ARB2A: variants seen among roughly 807,000 people sequenced by gnomAD.
ARB2A encodes the protein ARB2 cotranscriptional regulator A.
the ARB2A span, among the ~76,000 whole-genome samples, chr5:93,765,770 C>T: frequency 6.6e-6 from 1 of 152,178 alleles, no homozygotes; most frequent in Non-Finnish European, 1.5e-5. Flanking sequence ...AGACATCACA[C>T]TACCTGACTT....
chr5:93,711,827 T>A, the ARB2A span, among the ~76,000 whole-genome samples: 3 of 152,348 alleles, frequency 2.0e-5, no homozygotes, highest in Non-Finnish European at 2.9e-5. Flanking sequence ...CAGAAACCCA[T>A]GCCCAATCAT....
At chr5:93,642,249 G>A in the ARB2A span, among the ~76,000 whole-genome samples, 6 of 150,870 alleles carry the variant, frequency 4.0e-5, no homozygotes, top group Admixed American at 1.3e-4. Flanking sequence ...CATCCAGGCT[G>A]GAGTGCAGTG....
At chr5:93,818,036 T>C in the ARB2A span, among the ~76,000 whole-genome samples, 9 of 151,060 alleles carry the variant, frequency 6.0e-5, no homozygotes, top group Admixed American at 5.9e-4. Flanking sequence ...AGGATTTGAG[T>C]AGACATTTCT....
the ARB2A span, among the ~76,000 whole-genome samples, chr5:93,768,523 A>G: frequency 6.6e-6 from 1 of 150,506 alleles, no homozygotes; most frequent in Non-Finnish European, 1.5e-5. Flanking sequence ...ATACATACAT[A>G]TATATACACT....
chr5:93,785,110 T>C, the ARB2A span, among the ~76,000 whole-genome samples: 1 of 152,202 alleles, frequency 6.6e-6, no homozygotes, highest in South Asian at 2.1e-4. Context: ...TATAGAATGC[T>C]ATTTCTACAA....
chr5:94,094,369 C>A, the ARB2A span, among the ~76,000 whole-genome samples: 25 of 152,180 alleles, frequency 1.6e-4, no homozygotes, highest in South Asian at 3.7e-3. Flanking sequence ...TCTCTTCTTA[C>A]GAAGACACTA....
chr5:93,653,402 C>T, the ARB2A span, among the ~76,000 whole-genome samples: 1 of 150,138 alleles, frequency 6.7e-6, no homozygotes, highest in African/African-American at 2.4e-5. Context: ...GTCCCAGGTA[C>T]TTGGGAGGTT....
At chr5:93,969,465 A>T in the ARB2A span, among the ~76,000 whole-genome samples, 1 of 152,132 alleles carries the variant, frequency 6.6e-6, no homozygotes, top group Non-Finnish European at 1.5e-5. Context: ...AATGGAAGTG[A>T]CAGAAAAATA....
At chr5:93,998,428 T>G in the ARB2A span, among the ~76,000 whole-genome samples, 2 of 152,018 alleles carry the variant, frequency 1.3e-5, no homozygotes, top group East Asian at 1.9e-4. Context: ...TTAGAATATA[T>G]CCTTCCTTCT....
At chr5:94,029,547 A>T in the ARB2A span, among the ~76,000 whole-genome samples, 1 of 151,594 alleles carries the variant, frequency 6.6e-6, no homozygotes, top group African/African-American at 2.4e-5. Context: ...TCAACTTATA[A>T]AAGAAGATTC....
the ARB2A span, among the ~76,000 whole-genome samples, chr5:94,053,545 A>T: frequency 6.6e-6 from 1 of 152,210 alleles, no homozygotes; most frequent in African/African-American, 2.4e-5. Flanking sequence ...TCAGACATTA[A>T]TATGACTTTT....
chr5:93,983,583 A>G, the ARB2A span, among the ~76,000 whole-genome samples: 1 of 152,202 alleles, frequency 6.6e-6, no homozygotes, highest in Non-Finnish European at 1.5e-5. Context: ...CATAGAGAGG[A>G]AATGACATAG....
At chr5:93,833,865 A>G in the ARB2A span, among the ~76,000 whole-genome samples, 2 of 152,200 alleles carry the variant, frequency 1.3e-5, no homozygotes, top group African/African-American at 4.8e-5. Context: ...TTCAGAGAGT[A>G]CATGTGCAAG....
the ARB2A span, chr5:93,805,190 G>C: frequency 1.0e-6 from 1 of 984,876 alleles, no homozygotes; most frequent in Non-Finnish European, 1.2e-6. Flanking sequence ...CTTTGTTAAA[G>C]GGAAATAATG....
At chr5:93,816,668 A>G in the ARB2A span, among the ~76,000 whole-genome samples, 27 of 152,286 alleles carry the variant, frequency 1.8e-4, no homozygotes, top group Admixed American at 2.0e-4. Flanking sequence ...TGGGTCCTTT[A>G]TTCTACAAAA....
the ARB2A span, among the ~76,000 whole-genome samples, chr5:93,720,106 C>T: frequency 1.3e-5 from 2 of 152,170 alleles, no homozygotes; most frequent in African/African-American, 4.8e-5. Context: ...CAACAGCTAT[C>T]GCTTAATCTT....
chr5:93,948,458 C>T, the ARB2A span, among the ~76,000 whole-genome samples: 3 of 151,774 alleles, frequency 2.0e-5, no homozygotes, highest in Non-Finnish European at 4.4e-5. Context: ...ATTTTGTAGG[C>T]TGCCTGTTCA....
At chr5:94,050,603 A>G in the ARB2A span, 1 of 719,126 alleles carries the variant, frequency 1.4e-6, no homozygotes, top group Non-Finnish European at 2.2e-6. Context: ...GGAACAAAAA[A>G]AAAAAACAAA....
chr5:94,069,770 T>G, the ARB2A span, among the ~76,000 whole-genome samples: 2 of 151,872 alleles, frequency 1.3e-5, no homozygotes, highest in Non-Finnish European at 2.9e-5. Flanking sequence ...TGGCTATTAT[T>G]AAAAAGACAA....
Sources: gnomAD v4.1 joint callset for allele counts (sites outside exome capture counted in the v4.1 genomes callset) on GRCh38, gnomAD v4.1.1 for gene constraint, MANE v1.5 for transcripts, NCBI Gene and HGNC (gene_info 2026-07-23, HGNC 2026-07-21) for gene names.